The following NEO1 variants were observed in gnomAD, a reference collection of about 807,000 sequenced individuals.
NEO1 encodes neogenin 1.
NEO1 carries 63 observed loss-of-function variants against 159.7 expected under a neutral mutation model. That is an observed-to-expected ratio of 0.39 (90% CI 0.32 to 0.49). The LOEUF is 0.49. Ranked by LOEUF, NEO1 falls within the 20% of genes least tolerant of loss-of-function variation. NEO1 has a pLI of 0.85. For missense variants in NEO1, 1,615 were observed against 1,831.0 expected, an observed-to-expected ratio of 0.88 and a Z score of 2.15; for synonymous variants, 633 against 662.0, an observed-to-expected ratio of 0.96 and a Z score of 0.67.
chr15:73,119,729 A>G (rs895190315), intron 2 of NEO1, among the ~76,000 whole-genome samples: 1 of 152,194 alleles, frequency 6.6e-6, no homozygotes, highest in Non-Finnish European at 1.5e-5. Flanking sequence ...TTCCCTACTC[A>G]GAAATTTTTT....
intron 1 of NEO1, among the ~76,000 whole-genome samples, chr15:73,060,403 A>G (rs1189625102): frequency 2.0e-5 from 3 of 151,994 alleles, no homozygotes; most frequent in Non-Finnish European, 2.9e-5. Context: ...AGCTGGGACT[A>G]CAGGCGTGCA....
At chr15:73,068,222 T>TTC (rs1245027191) in intron 1 of NEO1, among the ~76,000 whole-genome samples, 35 of 72,724 alleles carry the variant, frequency 4.8e-4, no homozygotes, top group African/African-American at 9.7e-4. Context: ...TTTGTCCCCC[T>TTC]ACCCCCCCCC....
chr15:73,294,746 G>A (rs1000425881), intron 26 of NEO1, among the ~76,000 whole-genome samples: 15 of 151,982 alleles, frequency 9.9e-5, no homozygotes, highest in Non-Finnish European at 1.5e-5. Flanking sequence ...CCCCATGTTG[G>A]CCAGGCTGGT....
chr15:73,290,722 G>C (rs748483940), intron 25 of NEO1, among the ~76,000 whole-genome samples: 3 of 152,208 alleles, frequency 2.0e-5, no homozygotes, highest in African/African-American at 7.2e-5. Flanking sequence ...TTTCAAGGAA[G>C]TGAAGCCTTT....
intron 16 of NEO1, among the ~76,000 whole-genome samples, chr15:73,268,685 G>A (rs936668690): frequency 6.6e-6 from 1 of 152,226 alleles, no homozygotes; most frequent in African/African-American, 2.4e-5. Flanking sequence ...ATTGTAAACT[G>A]TGAACTTAAA....
intron 20 of NEO1, 150 bp downstream of exon 20, chr15:73,274,155 A>G: frequency 1.3e-6 from 1 of 776,088 alleles, no homozygotes; most frequent in South Asian, 1.9e-5. Flanking sequence ...TCCCAGAATG[A>G]TTCCTCACCT....
intron 8 of NEO1, among the ~76,000 whole-genome samples, chr15:73,243,490 T>C (rs936389211): frequency 2.6e-5 from 4 of 152,238 alleles, no homozygotes; most frequent in African/African-American, 9.6e-5. Context: ...CAACTGTTTG[T>C]CTAAAACAAA....
intron 22 of NEO1, among the ~76,000 whole-genome samples, chr15:73,279,345 GTTTTGGTTTT>G (rs2041569928): frequency 2.6e-5 from 2 of 77,848 alleles, no homozygotes; most frequent in Admixed American, 3.5e-4. Flanking sequence ...TGTTGTTTTG[GTTTTGGTTTT>G]TTTTTTTTTT....
chr15:73,219,354 A>G (rs1309801117), intron 7 of NEO1, among the ~76,000 whole-genome samples: 64 of 145,740 alleles, frequency 4.4e-4, no homozygotes, highest in Non-Finnish European at 8.5e-4. Flanking sequence ...TATGTGGTCA[A>G]TTTTGTAATA....
chr15:73,231,277 A>G (rs1242612313), intron 7 of NEO1, among the ~76,000 whole-genome samples: 2 of 152,290 alleles, frequency 1.3e-5, no homozygotes, highest in Admixed American at 1.3e-4. Context: ...CACACATGGA[A>G]CAACCTCCAG....
intron 7 of NEO1, among the ~76,000 whole-genome samples, chr15:73,228,479 T>A (rs1351942920): frequency 1.5e-4 from 23 of 150,600 alleles, no homozygotes; most frequent in African/African-American, 2.4e-4. Context: ...TTTTTTTTTT[T>A]ATCAGATACA....
intron 9 of NEO1, among the ~76,000 whole-genome samples, chr15:73,245,242 A>T (rs2039726058): frequency 6.6e-6 from 1 of 152,166 alleles, no homozygotes; most frequent in Admixed American, 6.5e-5. Context: ...TGCCTTGCAC[A>T]TGAAGAAGGT....
rs754082961 is a variant in NEO1, at chr15:73,126,510, C to T, written c.818C>T (p.Ser273Leu). 15 of 1,613,746 alleles carry T rather than the reference C, an allele frequency of 9.3e-6. No individual in the cohort carries two copies. The South Asian group carries it at 1.6e-4, about 18-fold the overall frequency. ...GQDVVLPCVA[S>L]GLPTPTIKWM... ...GATGTAGTGTTGCCATGTGTTGCTT[C>T]AGGACTTCCTACTCCAACCATTAAA... The change falls in exon 4 of 29, where the codon TCA (serine) becomes TTA (leucine). Residue 273 changes from serine to leucine, a missense_variant. Ser to Leu is a moderately radical substitution (Grantham distance 145). This residue lies in a region of NEO1 where 1,018 missense variants were observed against 1,115.4 expected (regional missense o/e 0.91). Coordinates refer to ENST00000261908, the MANE Select transcript of NEO1 (RefSeq NM_002499.4).
intron 7 of NEO1, among the ~76,000 whole-genome samples, chr15:73,218,410 A>G (rs567409542): frequency 2.8e-4 from 43 of 151,860 alleles, no homozygotes; most frequent in African/African-American, 9.7e-4. Context: ...GTCTCTGCCC[A>G]GCTTTGGTAT....
intron 1 of NEO1, among the ~76,000 whole-genome samples, chr15:73,109,250 C>T (rs2070843844): frequency 6.6e-6 from 1 of 152,114 alleles, no homozygotes; most frequent in Non-Finnish European, 1.5e-5. Flanking sequence ...GAATAGTTAA[C>T]TATTTATTGA....
intron 7 of NEO1, among the ~76,000 whole-genome samples, chr15:73,194,878 G>T (rs1208566059): frequency 6.6e-6 from 1 of 152,146 alleles, no homozygotes; most frequent in Non-Finnish European, 1.5e-5. Flanking sequence ...TAAGTGTAAG[G>T]ATATGATCTT....
At chr15:73,148,648 G>A (rs2033120488) in intron 5 of NEO1, among the ~76,000 whole-genome samples, 1 of 152,172 alleles carries the variant, frequency 6.6e-6, no homozygotes. Flanking sequence ...TTTTATATCA[G>A]AGCAGCACAG....
intron 10 of NEO1, 93 bp from the exon 11 acceptor site, chr15:73,249,490 T>C: frequency 2.3e-6 from 3 of 1,325,826 alleles, no homozygotes; most frequent in Non-Finnish European, 3.0e-6. Flanking sequence ...ATCTGTTTCA[T>C]GTAGAATATA....
chr15:73,144,492 A>G (rs2032713536), intron 5 of NEO1, among the ~76,000 whole-genome samples: 2 of 152,262 alleles, frequency 1.3e-5, no homozygotes, highest in South Asian at 2.1e-4. Context: ...CCAGTGTGTC[A>G]TGCTGTTTCT....
Sources: allele counts gnomAD v4.1 joint callset (sites outside exome capture counted in the v4.1 genomes callset), GRCh38; gene constraint gnomAD v4.1.1; regional missense constraint gnomAD v4.1.1; transcripts MANE v1.5; gene names NCBI Gene and HGNC (gene_info 2026-07-23, HGNC 2026-07-21).